The following UBE2E2 variants were observed in gnomAD, a reference collection of about 807,000 sequenced individuals.
The protein encoded by UBE2E2 is ubiquitin conjugating enzyme E2 E2, also known as ubiquitin-conjugating enzyme E2 E2.
A neutral mutation model predicts 24.7 loss-of-function variants in UBE2E2; 6 were observed. The ratio of observed to expected loss-of-function variants is 0.24; its 90% CI spans 0.13 to 0.48. The LOEUF (loss-of-function observed/expected upper bound fraction) is 0.48, where lower values mean the gene tolerates loss of function less well. Among genes scored for constraint, UBE2E2 ranks in the 20% least tolerant of loss-of-function variants. The pLI is 0.99. For missense variants in UBE2E2, 169 were observed against 245.0 expected, an observed-to-expected ratio of 0.69 and a Z score of 2.07; for synonymous variants, 104 against 83.6, an observed-to-expected ratio of 1.24 and a Z score of -1.33.
chr3:23,571,330 G>C (rs1463342115), intron 5 of UBE2E2, among the ~76,000 whole-genome samples: 1 of 59,938 alleles, frequency 1.7e-5, no homozygotes, highest in South Asian at 6.3e-4. Flanking sequence ...CGCTCTGTCA[G>C]ATAGGCTAGA....
rs112631170 is a variant in UBE2E2 at position 23,497,730 on chromosome 3, C to G, written c.228-1878C>G. On this transcript the variant is annotated intron_variant, in intron 3 of 5. Coordinates refer to ENST00000396703, the MANE Select transcript of UBE2E2 (RefSeq NM_152653.4). ...CAATATTTCTAGGCTAGTGCGTTGTCAGCGAGTTTTTTCAAATTGTCACAA... is the reference window on the plus strand; with the variant it reads ...CAATATTTCTAGGCTAGTGCGTTGTGAGCGAGTTTTTTCAAATTGTCACAA... 5.5e-3 allele frequency among the ~76,000 whole-genome samples: 835 copies of G among 152,246 alleles called. 9 individuals are homozygous for G. The highest frequency in any genetic ancestry group is 0.019 in the African/African-American group (797 of 41,556).
chr3:23,223,371 T>G (rs1696716733), intron 3 of UBE2E2, among the ~76,000 whole-genome samples: 1 of 152,048 alleles, frequency 6.6e-6, no homozygotes, highest in Non-Finnish European at 1.5e-5. Flanking sequence ...TTTTGTATTT[T>G]GAGTAGAGAT....
chr3:23,329,554 A>T (rs1241197838), intron 3 of UBE2E2, among the ~76,000 whole-genome samples: 1 of 152,194 alleles, frequency 6.6e-6, no homozygotes, highest in African/African-American at 2.4e-5. Context: ...AGATTGTTAA[A>T]TTTTCTCAAT....
chr3:23,296,166 G>C (rs1698902700), intron 3 of UBE2E2, among the ~76,000 whole-genome samples: 1 of 152,086 alleles, frequency 6.6e-6, no homozygotes, highest in Non-Finnish European at 1.5e-5. Context: ...TCTGTTTCCA[G>C]TTCAGCTCGG....
chr3:23,292,609 C>T (rs1698798634), intron 3 of UBE2E2, among the ~76,000 whole-genome samples: 2 of 152,180 alleles, frequency 1.3e-5, no homozygotes, highest in Non-Finnish European at 1.5e-5. Flanking sequence ...AATTCACCTC[C>T]TCCTGGGAGC....
At chr3:23,402,019 G>A (rs1357140095) in intron 3 of UBE2E2, among the ~76,000 whole-genome samples, 1 of 151,670 alleles carries the variant, frequency 6.6e-6, no homozygotes, top group East Asian at 1.9e-4. Flanking sequence ...ACCACGCCCG[G>A]CTAATTTGTG....
chr3:23,344,176 T>G lies in UBE2E2; in HGVS notation c.227+126864T>G, dbSNP rs188587329. 2.0e-4 allele frequency among the ~76,000 whole-genome samples: 31 copies of G among 152,296 alleles called. No individual in the cohort carries two copies. In the East Asian group the frequency reaches 6.0e-3, roughly 29 times the overall value. ...GGGGATGTCTAATCATGTTATTGATTATGTTCAACCTGTTTTTCTTCAAGC... is the reference window on the plus strand; with the variant it reads ...GGGGATGTCTAATCATGTTATTGATGATGTTCAACCTGTTTTTCTTCAAGC... On this transcript the variant is annotated intron_variant, in intron 3 of 5. Coordinates refer to ENST00000396703, the MANE Select transcript of UBE2E2 (RefSeq NM_152653.4).
At position 23,256,050 on chromosome 3, in the gene UBE2E2, T is replaced by C. The variant is rs181424918; in HGVS notation, c.227+38738T>C. ...TTCCCAAAACAGCTTTTGAGTTTAG[T>C]TCTGGAGACAGCACTGTGCTGCCTA... On this transcript the variant is annotated intron_variant, in intron 3 of 5. Transcript: ENST00000396703. Among the ~76,000 whole-genome samples, 12 of 152,352 alleles carry C rather than the reference T, an allele frequency of 7.9e-5. No homozygotes were observed. The East Asian group carries it at 2.1e-3, about 27-fold the overall frequency.
chr3:23,271,822 C>T (rs957233128), intron 3 of UBE2E2, among the ~76,000 whole-genome samples: 1 of 152,134 alleles, frequency 6.6e-6, no homozygotes, highest in Non-Finnish European at 1.5e-5. Flanking sequence ...CAAGCCCCCA[C>T]CAGATTAGCT....
chr3:23,425,676 G>A (rs977820056), intron 3 of UBE2E2, among the ~76,000 whole-genome samples: 1 of 152,020 alleles, frequency 6.6e-6, no homozygotes, highest in African/African-American at 2.4e-5. Flanking sequence ...TAAATTGCTG[G>A]GGCTCAGGAT....
chr3:23,413,760 G>A (rs115388398), intron 3 of UBE2E2, among the ~76,000 whole-genome samples: 3 of 151,990 alleles, frequency 2.0e-5, no homozygotes, highest in Non-Finnish European at 2.9e-5. Context: ...CCTAATACAC[G>A]GTAAGCTCTA....
At chr3:23,555,629 CAAAT>C (rs1455874002) in intron 5 of UBE2E2, among the ~76,000 whole-genome samples, 1 of 152,084 alleles carries the variant, frequency 6.6e-6, no homozygotes, top group Non-Finnish European at 1.5e-5. Context: ...CATCAGTGGA[CAAAT>C]AGATAAACTG....
intron 5 of UBE2E2, among the ~76,000 whole-genome samples, chr3:23,573,287 C>T (rs1696267542): frequency 6.6e-6 from 1 of 152,124 alleles, no homozygotes; most frequent in African/African-American, 2.4e-5. Flanking sequence ...TATTTCTAAA[C>T]TAGTGCAGTG....
At chr3:23,313,704 G>A (rs1404875004) in intron 3 of UBE2E2, among the ~76,000 whole-genome samples, 2 of 151,778 alleles carry the variant, frequency 1.3e-5, no homozygotes, top group East Asian at 3.9e-4. Context: ...TTTAATCCTT[G>A]CATCCACTCT....
chr3:23,493,119 C>G (rs1402134185), intron 3 of UBE2E2, among the ~76,000 whole-genome samples: 1 of 152,152 alleles, frequency 6.6e-6, no homozygotes, highest in African/African-American at 2.4e-5. Flanking sequence ...AGAATCCCAA[C>G]ATTGCCGAGG....
rs186348578 is a variant in UBE2E2 at position 23,399,066 on chromosome 3, T to G, written c.228-100542T>G. On this transcript the variant is annotated intron_variant, in intron 3 of 5. Transcript: ENST00000396703. ...GAAACACATTTCTCATGTCTTCCAC[T>G]CATGTATTTAATGCCTTTTCCATCT... Among the ~76,000 whole-genome samples, 13 of 152,282 alleles carry G rather than the reference T, an allele frequency of 8.5e-5. 1 individual carries two copies. In the East Asian group the frequency reaches 2.5e-3, roughly 29 times the overall value.
chr3:23,289,942 T>A (rs567195758), intron 3 of UBE2E2, among the ~76,000 whole-genome samples: 227 of 152,330 alleles, frequency 1.5e-3, no homozygotes, highest in African/African-American at 5.1e-3. Flanking sequence ...CATAAAGAAT[T>A]GATAGACTAT....
At chr3:23,389,874 T>A (rs1696891931) in intron 3 of UBE2E2, 1 of 159,776 alleles carries the variant, frequency 6.3e-6, no homozygotes, top group African/African-American at 2.4e-5. Flanking sequence ...CAGTTCCCAG[T>A]TCAACACCTG....
At chr3:23,513,725 C>G (rs1197633330) in intron 4 of UBE2E2, among the ~76,000 whole-genome samples, 1 of 152,112 alleles carries the variant, frequency 6.6e-6, no homozygotes, top group Non-Finnish European at 1.5e-5. Flanking sequence ...TGTGTGACAT[C>G]AAATATTTGA....
Sources: allele counts gnomAD v4.1 joint callset (sites outside exome capture counted in the v4.1 genomes callset), GRCh38; gene constraint gnomAD v4.1.1; transcripts MANE v1.5; gene names NCBI Gene and HGNC (gene_info 2026-07-23, HGNC 2026-07-21).